CACNA2D4: variants seen among roughly 807,000 people sequenced by gnomAD.
CACNA2D4 encodes the protein calcium voltage-gated channel auxiliary subunit alpha2delta 4.
CACNA2D4 carries 157 observed loss-of-function variants against 163.8 expected under a neutral mutation model. The observed-to-expected ratio is 0.96, with a 90% CI of 0.84 to 1.09. The LOEUF (loss-of-function observed/expected upper bound fraction) is 1.09. CACNA2D4 is among the 50% of genes least tolerant of loss of function. The pLI, the probability that CACNA2D4 is intolerant of heterozygous loss-of-function variation, is 0.00. For missense variants in CACNA2D4, 1,410 were observed against 1,479.9 expected (o/e 0.95, Z 0.78); for synonymous variants, 598 against 586.9 (o/e 1.02, Z -0.27).
intron 23 of CACNA2D4, among the ~76,000 whole-genome samples, chr12:1,850,485 AT>A (rs1865247954): frequency 6.6e-6 from 1 of 152,162 alleles, no homozygotes; most frequent in South Asian, 2.1e-4. Context: ...TGAATACATA[AT>A]ATATAGAGTA....
rs1865009946 is a variant in CACNA2D4 at position 1,840,947 on chromosome 12, AG to A, written c.2471-129del. 4 of 800,386 alleles carry A rather than the reference AG, an allele frequency of 5.0e-6. No homozygotes were observed. In the South Asian group the frequency reaches 5.7e-5, roughly 11 times the overall value. 49.6% of individuals were successfully genotyped at this position (800,386 alleles called of 1,614,324 possible). A position where few individuals can be genotyped will look rare whatever the true frequency, so the allele number is the denominator to read the frequency against. On this transcript the variant is annotated intron_variant, in intron 25 of 37. Coordinates refer to ENST00000382722, the MANE Select transcript of CACNA2D4 (RefSeq NM_172364.5). Reference sequence around the variant, plus strand: ...AGGCATCCTTGGAAGAATTGAGGCGAGGGTGGGGACAGGGGTTGTGTTTGGA... The same window carrying A: ...AGGCATCCTTGGAAGAATTGAGGCGAGGTGGGGACAGGGGTTGTGTTTGGA...
At chr12:1,808,728 T>C (rs539518073) in intron 29 of CACNA2D4, among the ~76,000 whole-genome samples, 2 of 152,280 alleles carry the variant, frequency 1.3e-5, no homozygotes, top group South Asian at 4.1e-4. Flanking sequence ...ACACGGTCAG[T>C]CTCAGTCACC....
chr12:1,858,827 G>A lies in CACNA2D4; in HGVS notation c.1941-183C>T, dbSNP rs997078758. ...CAGCCATCCCCTCCAGAACGGAGGCGGTGCTTCCAATTTCCCAGAAGCCTT... is the reference window on the plus strand; with the variant it reads ...CAGCCATCCCCTCCAGAACGGAGGCAGTGCTTCCAATTTCCCAGAAGCCTT... On this transcript the variant is annotated intron_variant, in intron 19 of 37. Coordinates refer to ENST00000382722, the MANE Select transcript of CACNA2D4 (RefSeq NM_172364.5). 9.2e-5 allele frequency among the ~76,000 whole-genome samples: 14 copies of A among 152,118 alleles called. No individual in the cohort carries two copies. The East Asian group carries it at 9.6e-4, about 10-fold the overall frequency.
At position 1,908,807 on chromosome 12, in the gene CACNA2D4, G is replaced by C. The variant is rs1222053735; in HGVS notation, c.487-770C>G. Reference sequence around the variant, plus strand: ...CACGCCAACTCCCACGCCGGACAGCGTTATGGACATCCCCACGCCAACTCC... The same window carrying C: ...CACGCCAACTCCCACGCCGGACAGCCTTATGGACATCCCCACGCCAACTCC... On this transcript the variant is annotated intron_variant, in intron 4 of 37. Transcript: ENST00000382722. Among the ~76,000 whole-genome samples, 283 of 92,758 alleles carry C rather than the reference G, an allele frequency of 3.1e-3. 1 individual carries two copies. The highest frequency in any genetic ancestry group is 6.0e-3 in the African/African-American group (94 of 15,692). 60.9% of individuals were successfully genotyped at this position (92,758 alleles called of 152,430 possible).
intron 1 of CACNA2D4, among the ~76,000 whole-genome samples, chr12:1,916,573 A>AGAG (rs34127457): frequency 0.94 from 141,907 of 151,756 alleles, 66,463 homozygotes; most frequent in East Asian, 1. Flanking sequence ...CGGGGCAGGC[A>AGAG]GAGGAGGAGG....
At chr12:1,856,541 C>T (rs574659004) in intron 20 of CACNA2D4, among the ~76,000 whole-genome samples, 1 of 152,370 alleles carries the variant, frequency 6.6e-6, no homozygotes, top group South Asian at 2.1e-4. Context: ...CCCTCCTCCC[C>T]ATCCAGGTTG....
At chr12:1,825,625 C>T (rs558419379) in intron 26 of CACNA2D4, among the ~76,000 whole-genome samples, 28 of 152,282 alleles carry the variant, frequency 1.8e-4, no homozygotes, top group African/African-American at 6.3e-4. Context: ...CATGTGGGCA[C>T]ATGTATGTTA....
At chr12:1,794,190 T>G (rs1377710286) in intron 37 of CACNA2D4, among the ~76,000 whole-genome samples, 1 of 152,082 alleles carries the variant, frequency 6.6e-6, no homozygotes, top group Non-Finnish European at 1.5e-5. Context: ...CGGAACTAAG[T>G]GTAGCGGGAA....
At chr12:1,871,950 T>C (rs536451409) in intron 18 of CACNA2D4, among the ~76,000 whole-genome samples, 1 of 152,352 alleles carries the variant, frequency 6.6e-6, no homozygotes, top group South Asian at 2.1e-4. Flanking sequence ...GACACTTTGC[T>C]CTTCTGCTTT....
intron 1 of CACNA2D4, among the ~76,000 whole-genome samples, chr12:1,916,096 G>A (rs550643196): frequency 2.0e-5 from 3 of 152,198 alleles, no homozygotes; most frequent in Non-Finnish European, 4.4e-5. Flanking sequence ...ATTCTAGGTC[G>A]GGAGTACAGA....
intron 35 of CACNA2D4, 55 bp downstream of exon 35, chr12:1,797,363 T>C: frequency 7.5e-7 from 1 of 1,336,600 alleles, no homozygotes; most frequent in Non-Finnish European, 1.0e-6. Context: ...CACTTCCGCC[T>C]TGCCGAGGGC....
chr12:1,915,626 G>A (rs1160055653), intron 1 of CACNA2D4, among the ~76,000 whole-genome samples: 1 of 152,250 alleles, frequency 6.6e-6, no homozygotes, highest in African/African-American at 2.4e-5. Context: ...TGCTGAGCCT[G>A]AGGGCAGGGC....
Position 1,829,086 on chromosome 12 carries a change from T to C in CACNA2D4, c.2551+11653A>G, listed in dbSNP as rs917820610. Among the ~76,000 whole-genome samples, 1 of 152,228 alleles carries C rather than the reference T, an allele frequency of 6.6e-6. No individual in the cohort carries two copies. The highest frequency in any genetic ancestry group is 1.5e-5 in the Non-Finnish European group (1 of 68,040). ...CTCAGATCTCCTTTCAGCCTCATTCTAGAATCACTCAACACCTCGCAATAC... is the reference window on the plus strand; with the variant it reads ...CTCAGATCTCCTTTCAGCCTCATTCCAGAATCACTCAACACCTCGCAATAC... On this transcript the variant is annotated intron_variant, in intron 26 of 37. Transcript: ENST00000382722. The surrounding 1 kb of genome is among the most constrained non-coding windows in gnomAD (Gnocchi z 4.2).
intron 26 of CACNA2D4, among the ~76,000 whole-genome samples, chr12:1,823,465 G>A (rs1864192694): frequency 1.3e-5 from 2 of 152,084 alleles, no homozygotes; most frequent in Admixed American, 1.3e-4. Flanking sequence ...CTAGCAGGGA[G>A]GCAGCTCCCA....
intron 18 of CACNA2D4, among the ~76,000 whole-genome samples, chr12:1,871,721 G>T (rs894934669): frequency 6.6e-6 from 1 of 152,034 alleles, no homozygotes; most frequent in African/African-American, 2.4e-5. Context: ...TATGCAACTG[G>T]CATGTGTGTA....
intron 35 of CACNA2D4, among the ~76,000 whole-genome samples, chr12:1,796,719 G>GC (rs1298473543): frequency 6.6e-6 from 1 of 152,192 alleles, no homozygotes; most frequent in Non-Finnish European, 1.5e-5. Flanking sequence ...TGTGCCACGG[G>GC]CCCGGGGGTC....
intron 6 of CACNA2D4, among the ~76,000 whole-genome samples, chr12:1,888,969 A>G (rs1234862909): frequency 2.6e-5 from 4 of 152,238 alleles, no homozygotes; most frequent in Admixed American, 1.3e-4. Context: ...ATAAATAAAC[A>G]AATACCACGA....
intron 26 of CACNA2D4, among the ~76,000 whole-genome samples, chr12:1,816,625 G>A (rs1863881933): frequency 6.6e-6 from 1 of 152,198 alleles, no homozygotes; most frequent in South Asian, 2.1e-4. Context: ...CTAACAAAGA[G>A]CCTCAATAAG....
intron 6 of CACNA2D4, among the ~76,000 whole-genome samples, chr12:1,905,309 A>G (rs1330225966): frequency 6.6e-6 from 1 of 152,138 alleles, no homozygotes; most frequent in African/African-American, 2.4e-5. Context: ...CAAGACCAGG[A>G]TGTCCACTTT....
Sources: allele counts gnomAD v4.1 joint callset (sites outside exome capture counted in the v4.1 genomes callset), GRCh38; gene constraint gnomAD v4.1.1; non-coding constraint Gnocchi (gnomAD v3.1); transcripts MANE v1.5; gene names NCBI Gene and HGNC (gene_info 2026-07-23, HGNC 2026-07-21).